The following MBNL1 variants were observed in gnomAD, a reference collection of about 807,000 sequenced individuals.
MBNL1 encodes the protein muscleblind-like protein 1.
In MBNL1, 8 loss-of-function variants were observed where a neutral mutation model predicts 42.2. The observed-to-expected ratio is 0.19, with a 90% CI of 0.11 to 0.34. The LOEUF is 0.34. Among genes scored for constraint, MBNL1 ranks in the 10% least tolerant of loss-of-function variants. MBNL1 has a pLI of 1.00. For missense variants in MBNL1, 309 were observed against 495.3 expected (o/e 0.62, Z 3.57); for synonymous variants, 169 against 173.9 (o/e 0.97, Z 0.22).
At chr3:152,444,377 C>T (rs1027425122) in intron 4 of MBNL1, among the ~76,000 whole-genome samples, 1 of 152,084 alleles carries the variant, frequency 6.6e-6, no homozygotes, top group African/African-American at 2.4e-5. Context: ...ATAAAACAAA[C>T]AGACATAACA....
At chr3:152,251,400 G>A (rs2034508434) in intron 2 of MBNL1, among the ~76,000 whole-genome samples, 2 of 151,992 alleles carry the variant, frequency 1.3e-5, no homozygotes, top group Admixed American at 1.3e-4. Context: ...AATCCTTTTT[G>A]TGGGGAAAAC....
intron 6 of MBNL1, among the ~76,000 whole-genome samples, chr3:152,448,693 A>T (rs1310838024): frequency 6.6e-6 from 1 of 152,122 alleles, no homozygotes; most frequent in East Asian, 1.9e-4. Flanking sequence ...TTTATATTAG[A>T]CTATACTGGC....
intron 2 of MBNL1, among the ~76,000 whole-genome samples, chr3:152,325,954 C>G (rs996450537): frequency 2.0e-5 from 3 of 152,048 alleles, no homozygotes; most frequent in African/African-American, 7.2e-5. Context: ...TGTGCATCAG[C>G]CAACATTTTG....
At chr3:152,439,439 T>G (rs143995001) in intron 4 of MBNL1, among the ~76,000 whole-genome samples, 420 of 152,340 alleles carry the variant, frequency 2.8e-3, no homozygotes, top group Non-Finnish European at 2.8e-3. Flanking sequence ...GGTAGGATTA[T>G]TTTAATTTTG....
At chr3:152,367,447 G>C (rs1456271388) in intron 2 of MBNL1, among the ~76,000 whole-genome samples, 2 of 152,070 alleles carry the variant, frequency 1.3e-5, no homozygotes, top group African/African-American at 4.8e-5. Context: ...ATTTGGATCG[G>C]TTCCAAGTCT....
At chr3:152,244,674 T>G (rs1299571034) in intron 2 of MBNL1, among the ~76,000 whole-genome samples, 1 of 152,198 alleles carries the variant, frequency 6.6e-6, no homozygotes, top group Non-Finnish European at 1.5e-5. Flanking sequence ...CAAATTATTT[T>G]ACCTGCAAAA....
chr3:152,275,682 TG>T (rs2044624052), intron 1 of MBNL1, among the ~76,000 whole-genome samples: 1 of 119,066 alleles, frequency 8.4e-6, no homozygotes, highest in South Asian at 2.6e-4. Flanking sequence ...CACTCCAGTC[TG>T]GCAACAGAGC....
At chr3:152,406,217 T>C (rs1288089061) in intron 2 of MBNL1, among the ~76,000 whole-genome samples, 1 of 152,048 alleles carries the variant, frequency 6.6e-6, no homozygotes, top group Admixed American at 6.6e-5. Flanking sequence ...ACCTCAGCAG[T>C]GGTGATACAC....
intron 2 of MBNL1, among the ~76,000 whole-genome samples, chr3:152,394,187 T>C (rs76691758): frequency 0.06 from 9,067 of 152,224 alleles, 810 homozygotes; most frequent in East Asian, 0.31. Context: ...GGGTAACAGA[T>C]AACATTGTTT....
chr3:152,348,842 A>G (rs1016497326), intron 2 of MBNL1, among the ~76,000 whole-genome samples: 5 of 152,122 alleles, frequency 3.3e-5, no homozygotes, highest in Non-Finnish European at 7.4e-5. Flanking sequence ...AGCAATATCC[A>G]AAGTGTATTG....
At chr3:152,357,285 C>T (rs2095596853) in intron 2 of MBNL1, among the ~76,000 whole-genome samples, 1 of 152,166 alleles carries the variant, frequency 6.6e-6, no homozygotes, top group South Asian at 2.1e-4. Flanking sequence ...ATAGTCAAGA[C>T]CATTGCTACT....
chr3:152,319,898 A>T (rs937300577), intron 2 of MBNL1, among the ~76,000 whole-genome samples: 6 of 152,020 alleles, frequency 3.9e-5, no homozygotes, highest in African/African-American at 1.4e-4. Flanking sequence ...TGGGTCCCTC[A>T]TTGTACAGTG....
intron 1 of MBNL1, among the ~76,000 whole-genome samples, chr3:152,280,400 A>G (rs1388996254): frequency 6.6e-6 from 1 of 152,154 alleles, no homozygotes; most frequent in Non-Finnish European, 1.5e-5. Flanking sequence ...TGATATGTAC[A>G]CCATTTAGTT....
intron 2 of MBNL1, among the ~76,000 whole-genome samples, chr3:152,377,464 ATATTG>A (rs1284463032): frequency 2.0e-5 from 3 of 152,212 alleles, no homozygotes; most frequent in African/African-American, 7.2e-5. Context: ...CTGTTAATTT[ATATTG>A]TATTATCTCT....
chr3:152,361,991 T>C (rs552340711), intron 2 of MBNL1, among the ~76,000 whole-genome samples: 9 of 152,328 alleles, frequency 5.9e-5, no homozygotes, highest in African/African-American at 2.2e-4. Flanking sequence ...CAGCTAATAT[T>C]GCTGCCTGAA....
At chr3:152,287,170 A>T (rs2052991430) in intron 1 of MBNL1, among the ~76,000 whole-genome samples, 1 of 151,268 alleles carries the variant, frequency 6.6e-6, no homozygotes, top group Non-Finnish European at 1.5e-5. Flanking sequence ...AGCCGAGATC[A>T]CACCACTGCA....
chr3:152,292,120 G>T (rs971064191), intron 1 of MBNL1, among the ~76,000 whole-genome samples: 8 of 152,178 alleles, frequency 5.3e-5, no homozygotes, highest in African/African-American at 1.9e-4. Flanking sequence ...CTTTGCAGTA[G>T]GGACTTGGAC....
intron 1 of MBNL1, among the ~76,000 whole-genome samples, chr3:152,270,908 T>C (rs1460196723): frequency 6.6e-5 from 10 of 152,206 alleles, no homozygotes; most frequent in Non-Finnish European, 1.3e-4. Context: ...AGTTGCCTTT[T>C]GTGTTTTAAG....
intron 2 of MBNL1, among the ~76,000 whole-genome samples, chr3:152,385,813 C>A (rs2097389776): frequency 6.6e-6 from 1 of 151,954 alleles, no homozygotes. Context: ...AGACTAATAG[C>A]ACTATGTCTA....
Sources: gnomAD v4.1 joint callset for allele counts (sites outside exome capture counted in the v4.1 genomes callset) on GRCh38, gnomAD v4.1.1 for gene constraint, MANE v1.5 for transcripts, NCBI Gene and HGNC (gene_info 2026-07-23, HGNC 2026-07-21) for gene names.